Variants in RP1 observed in about 807,000 individuals in gnomAD.
RP1 encodes the protein RP1 axonemal microtubule associated, also known as oxygen-regulated protein 1.
In RP1, 16 loss-of-function variants were observed where a neutral mutation model predicts 14.8. That is an observed-to-expected ratio of 1.08 (90% CI 0.73 to 1.65). The LOEUF (loss-of-function observed/expected upper bound fraction) is 1.65, where lower values mean the gene tolerates loss of function less well. Ranked by LOEUF, RP1 falls within the 40% of genes most tolerant of loss-of-function variation. The pLI is 0.00. For missense variants in RP1, 2,631 were observed against 2,535.0 expected (o/e 1.04, Z -0.81); for synonymous variants, 876 against 883.6 (o/e 0.99, Z 0.15).
chr8:54,601,992 GTAATCTTGGAACAACTC>G (rs1805303730), intron 1 of RP1, among the ~76,000 whole-genome samples: 2 of 152,182 alleles, frequency 1.3e-5, no homozygotes, highest in Admixed American at 6.5e-5. Context: ...TTAGATCATT[GTAATCTTGGAACAACTC>G]TGAATATTCT....
In RP1 at chr8:54,731,968, C is replaced by T. The variant is rs369438791; in HGVS notation, c.2522-2577C>T. On this transcript the variant is annotated intron_variant, in intron 17 of 22. Transcript: ENST00000636932. ...TTCTAATACTTAGCTCAGACCACCA[C>T]CATACTTTAAAATTGTGACTGGCTC... is the stretch of plus-strand genomic sequence containing the variant. Among the ~76,000 whole-genome samples, 4 of 152,212 alleles carry T rather than the reference C, an allele frequency of 2.6e-5. No individual in the cohort carries two copies. In the East Asian group the frequency reaches 5.8e-4, roughly 22 times the overall value.
rs934750014 is a variant in RP1, at chr8:54,838,345, C to A, written c.3835+676C>A. On this transcript the variant is annotated intron_variant, in intron 25 of 28. Transcript: ENST00000637698. ...TGTCCATTCCTGGTATCTCTAATAACTACCTTCTTTTTGCTTCCACCACTG... is the reference window on the plus strand; with the variant it reads ...TGTCCATTCCTGGTATCTCTAATAAATACCTTCTTTTTGCTTCCACCACTG... 5.9e-5 allele frequency among the ~76,000 whole-genome samples: 9 copies of A among 152,194 alleles called. No individual in the cohort carries two copies. The South Asian group carries it at 1.0e-3, about 18-fold the overall frequency.
chr8:54,863,269 G>A (rs1812391119), intron 27 of RP1, among the ~76,000 whole-genome samples: 2 of 152,012 alleles, frequency 1.3e-5, no homozygotes, highest in African/African-American at 4.8e-5. Context: ...TGTGACAGTT[G>A]CCTACAGTAT....
At chr8:54,711,488 C>T (rs1225453502) in intron 15 of RP1, among the ~76,000 whole-genome samples, 3 of 152,180 alleles carry the variant, frequency 2.0e-5, no homozygotes, top group African/African-American at 7.2e-5. Context: ...GTGGTGAATT[C>T]CCTGATACTA....
chr8:54,740,771 C>T lies in RP1; in HGVS notation c.2808+1742C>T, dbSNP rs117749419. Among the ~76,000 whole-genome samples, 223 of 151,780 alleles carry T rather than the reference C, an allele frequency of 1.5e-3. 4 individuals carry two copies. The East Asian group carries it at 0.039, about 27-fold the overall frequency. ...AGAAAAAAAGCTTATGGGCCGGGTG[C>T]GGTGGATCATGCCTGTCATCTCAGC... On this transcript the variant is annotated intron_variant, in intron 19 of 22. Transcript: ENST00000636932.
At chr8:54,804,447 C>T (rs1810798642) in intron 24 of RP1, among the ~76,000 whole-genome samples, 1 of 152,034 alleles carries the variant, frequency 6.6e-6, no homozygotes, top group Admixed American at 6.6e-5. Flanking sequence ...TATGGATGAC[C>T]TGAGACTGTT....
intron 24 of RP1, among the ~76,000 whole-genome samples, chr8:54,795,216 A>G (rs889452190): frequency 6.6e-6 from 1 of 152,044 alleles, no homozygotes; most frequent in African/African-American, 2.4e-5. Flanking sequence ...CTACCATATG[A>G]TCTGCTTCTG....
chr8:54,798,501 G>A (rs1305168808), intron 24 of RP1, among the ~76,000 whole-genome samples: 1 of 152,170 alleles, frequency 6.6e-6, no homozygotes, highest in Non-Finnish European at 1.5e-5. Flanking sequence ...TTATCTACTT[G>A]TTCCCTGAAA....
intron 12 of RP1, among the ~76,000 whole-genome samples, chr8:54,689,048 CTAGGTGTTTTATTCT>C (rs1807640645): frequency 6.6e-6 from 1 of 152,008 alleles, no homozygotes; most frequent in Non-Finnish European, 1.5e-5. Flanking sequence ...AGTTGGATTC[CTAGGTGTTTTATTCT>C]CTTTGTAGCA....
chr8:54,821,759 T>A (rs1328048228), intron 24 of RP1, among the ~76,000 whole-genome samples: 1 of 152,212 alleles, frequency 6.6e-6, no homozygotes, highest in Non-Finnish European at 1.5e-5. Flanking sequence ...CAGCTGTTCG[T>A]TCATCTACCA....
intron 22 of RP1, chr8:54,769,709 C>T (rs916281939): frequency 1.5e-6 from 2 of 1,359,392 alleles, no homozygotes; most frequent in Non-Finnish European, 2.0e-6. Flanking sequence ...TTTCTCCTCT[C>T]TCTTTCTTTC....
chr8:54,685,252 G>A (rs1585605356), intron 12 of RP1, among the ~76,000 whole-genome samples: 1 of 152,024 alleles, frequency 6.6e-6, no homozygotes, highest in African/African-American at 2.4e-5. Context: ...TGTGATGTTA[G>A]GTTGTTGATT....
At chr8:54,840,853 C>T (rs953292514) in intron 25 of RP1, among the ~76,000 whole-genome samples, 1 of 152,102 alleles carries the variant, frequency 6.6e-6, no homozygotes, top group African/African-American at 2.4e-5. Context: ...AAGGTATTTT[C>T]TCCAGCAGAA....
At chr8:54,561,462 G>A (rs1025580229) in intron 1 of RP1, among the ~76,000 whole-genome samples, 6 of 152,128 alleles carry the variant, frequency 3.9e-5, no homozygotes, top group Non-Finnish European at 7.4e-5. Context: ...CAACATAACA[G>A]AGCAAAAACA....
intron 3 of RP1, among the ~76,000 whole-genome samples, chr8:54,642,568 T>C (rs931590905): frequency 2.0e-5 from 3 of 152,156 alleles, no homozygotes; most frequent in Non-Finnish European, 4.4e-5. Flanking sequence ...TTTATTCTTT[T>C]AAAATAGTTG....
chr8:54,860,822 A>T (rs1195333961), intron 27 of RP1, among the ~76,000 whole-genome samples: 1 of 152,242 alleles, frequency 6.6e-6, no homozygotes, highest in Admixed American at 6.5e-5. Context: ...ATTTGAAAGT[A>T]ACCTTCACAG....
At chr8:54,734,679 C>T (rs1808875545) in exon 18 of RP1, 1 of 1,535,680 alleles carries the variant, frequency 6.5e-7, no homozygotes, top group Non-Finnish European at 8.7e-7. Context: ...AGTCACTGGG[C>T]CAATAAGTCT....
At chr8:54,624,458 A>G (rs2129315695) in intron 3 of RP1, among the ~76,000 whole-genome samples, 1 of 151,054 alleles carries the variant, frequency 6.6e-6, no homozygotes, top group East Asian at 1.9e-4. Flanking sequence ...AAAAAAAAAA[A>G]AAAAAAAAAG....
chr8:54,621,389 C>G lies in RP1; in HGVS notation c.423C>G (p.Pro141=), dbSNP rs766819017. The change falls in exon 2 of 4, where the codon CCC becomes CCG. Residue 141 remains proline, a synonymous_variant. Coordinates refer to ENST00000220676, the MANE Select transcript of RP1 (RefSeq NM_006269.2). ...TTAGCGCGCACTCACCGCCCCACCC[C>G]GTAGCCGTCGCTGCTCCCGGCATGC... ...RAISAHSPPH[P]VAVAAPGMPR... The G allele has an allele frequency of 6.2e-6, 10 of 1,613,000 alleles. No individual in the cohort carries two copies. The Admixed American group carries it at 6.7e-5, about 11-fold the overall frequency.
Sources: allele counts gnomAD v4.1 joint callset (sites outside exome capture counted in the v4.1 genomes callset), GRCh38; gene constraint gnomAD v4.1.1; transcripts MANE v1.5; gene names NCBI Gene and HGNC (gene_info 2026-07-23, HGNC 2026-07-21).